CPEB3: variants seen among roughly 807,000 people sequenced by gnomAD.
CPEB3 encodes cytoplasmic polyadenylation element-binding protein 3.
A neutral mutation model predicts 67.2 loss-of-function variants in CPEB3; 20 were observed. The observed-to-expected ratio is 0.30, with a 90% confidence interval of 0.21 to 0.43. CPEB3 has a LOEUF of 0.43. Among genes scored for constraint, CPEB3 ranks in the 20% least tolerant of loss-of-function variants. The probability of loss-of-function intolerance (pLI) is 1.00; values close to 1 mark genes in which losing one functional copy is unlikely to be tolerated. For missense variants in CPEB3, 746 were observed against 968.6 expected, an observed-to-expected ratio of 0.77 and a Z score of 3.05; for synonymous variants, 376 against 393.1, an observed-to-expected ratio of 0.96 and a Z score of 0.51.
intron 4 of CPEB3, among the ~76,000 whole-genome samples, chr10:92,175,847 T>G (rs1339643267): frequency 6.6e-6 from 1 of 151,814 alleles, no homozygotes; most frequent in African/African-American, 2.4e-5. Context: ...CCTAGCACTT[T>G]GAGAGGCCAT....
chr10:92,211,515 C>T (rs1850081564), intron 2 of CPEB3, among the ~76,000 whole-genome samples: 1 of 151,940 alleles, frequency 6.6e-6, no homozygotes, highest in Admixed American at 6.6e-5. Context: ...TAAACAACAG[C>T]TCATTCAAAC....
rs1845865713 is a variant in CPEB3, at chr10:92,132,002, T to C, written c.1453+11027A>G. On this transcript the variant is annotated intron_variant, in intron 6 of 9. Transcript: ENST00000265997. ...ACAAGTGAAGTTAATTTTAATATCT[T>C]ATTTAATCCAATATCTCCATAAAGT... is the stretch of plus-strand genomic sequence containing the variant. 2.6e-5 allele frequency among the ~76,000 whole-genome samples: 4 copies of C among 152,246 alleles called. No homozygotes were observed. In the South Asian group the frequency reaches 8.3e-4, roughly 31 times the overall value.
intron 4 of CPEB3, among the ~76,000 whole-genome samples, chr10:92,168,812 T>G (rs916695601): frequency 2.7e-5 from 4 of 148,616 alleles, no homozygotes; most frequent in African/African-American, 1.0e-4. Flanking sequence ...TTTTTTTTTT[T>G]GAGATGGAGT....
chr10:92,121,392 TATATA>T (rs1845376061), intron 6 of CPEB3, among the ~76,000 whole-genome samples: 2 of 135,224 alleles, frequency 1.5e-5, no homozygotes, highest in East Asian at 4.1e-4. Context: ...ATATTATATA[TATATA>T]ATAGAGAGAC....
At chr10:92,278,240 AT>A (rs994876952) in intron 1 of CPEB3, among the ~76,000 whole-genome samples, 3 of 152,100 alleles carry the variant, frequency 2.0e-5, no homozygotes, top group African/African-American at 7.2e-5. Flanking sequence ...TTCCATACAA[AT>A]TTTAGGATTA....
intron 2 of CPEB3, among the ~76,000 whole-genome samples, chr10:92,204,943 C>A (rs774304638): frequency 6.7e-6 from 1 of 149,130 alleles, no homozygotes; most frequent in Non-Finnish European, 1.5e-5. Flanking sequence ...CAGGTTCAAG[C>A]AATTCTTTGC....
chr10:92,085,280 C>T (rs1843324351), intron 8 of CPEB3, among the ~76,000 whole-genome samples: 1 of 152,208 alleles, frequency 6.6e-6, no homozygotes, highest in African/African-American at 2.4e-5. Flanking sequence ...GCTCATTGGT[C>T]TGTCTGGTCA....
chr10:92,245,811 T>G (rs1173661386), intron 1 of CPEB3, among the ~76,000 whole-genome samples: 1 of 147,430 alleles, frequency 6.8e-6, no homozygotes. Context: ...CCGAGGCGGC[T>G]GGATCACCTG....
intron 2 of CPEB3, among the ~76,000 whole-genome samples, chr10:92,203,358 A>G (rs1249519930): frequency 6.8e-6 from 1 of 147,014 alleles, no homozygotes; most frequent in East Asian, 2.0e-4. Context: ...ATATATATGT[A>G]TATATATGTA....
intron 2 of CPEB3, among the ~76,000 whole-genome samples, chr10:92,202,814 C>A (rs1365138053): frequency 6.6e-6 from 1 of 151,732 alleles, no homozygotes; most frequent in Non-Finnish European, 1.5e-5. Context: ...ATGACTGACA[C>A]ACAATTTAGT....
At chr10:92,094,605 A>C (rs1224624617) in intron 7 of CPEB3, among the ~76,000 whole-genome samples, 1 of 152,032 alleles carries the variant, frequency 6.6e-6, no homozygotes, top group African/African-American at 2.4e-5. Context: ...CCCTTTCAAA[A>C]AAAAAAAAAA....
intron 1 of CPEB3, among the ~76,000 whole-genome samples, chr10:92,265,784 A>C (rs1853027486): frequency 6.6e-6 from 1 of 151,182 alleles, no homozygotes. Context: ...AGATGAAAAA[A>C]GTTTTCTTTT....
intron 2 of CPEB3, among the ~76,000 whole-genome samples, chr10:92,208,197 T>C (rs1343233673): frequency 6.6e-6 from 1 of 152,176 alleles, no homozygotes; most frequent in Non-Finnish European, 1.5e-5. Flanking sequence ...AAAGTGAATA[T>C]TTGCTTGTCT....
intron 2 of CPEB3, among the ~76,000 whole-genome samples, chr10:92,203,478 A>G (rs1214465914): frequency 4.8e-5 from 7 of 146,434 alleles, no homozygotes; most frequent in Admixed American, 1.4e-4. Flanking sequence ...GTGTATATAT[A>G]TGTGTGTATA....
rs1851728786 is a variant in CPEB3 at position 92,239,709 on chromosome 10, G to A, written c.642C>T (p.Pro214=). 1.3e-6 allele frequency: 2 copies of A among 1,564,782 alleles called. No individual in the cohort carries two copies. Among genetic ancestry groups the A allele is most frequent in the African/African-American group, 1.4e-5 (1 of 73,474 alleles). Residue 214 remains proline, a synonymous_variant, in exon 2 of 10, where the codon CCC becomes CCT. Transcript: ENST00000265997. This position sits in a 1 kb window ranked among gnomAD's most constrained non-coding sequence, Gnocchi z 6.0. ...RSAAAAYGHQ[P]IMTSKPSSSS... is the part of the protein sequence containing the mutation. ...ACGAGGACGGCTTGCTGGTCATGAT[G>A]GGCTGGTGGCCGTACGCCGCGGCGG...
At chr10:92,059,330 A>AAAAAAAAAAAC (rs1339581891) in intron 9 of CPEB3, among the ~76,000 whole-genome samples, 4 of 150,878 alleles carry the variant, frequency 2.7e-5, no homozygotes, top group Non-Finnish European at 5.9e-5. Context: ...TCTGTCAAAA[A>AAAAAAAAAAAC]AAAAACAAAG....
In CPEB3 at chr10:92,273,248, TGAC is replaced by T. The variant is rs376162550; in HGVS notation, c.-12+17675_-12+17677del. Among the ~76,000 whole-genome samples, 38 of 152,308 alleles carry T rather than the reference TGAC, an allele frequency of 2.5e-4. No homozygotes were observed. The East Asian group carries it at 6.4e-3, about 26-fold the overall frequency. ...TCTAGATCCATATATTGTAAATATG[TGAC>T]TACTACATACTTGTCTCTTCTGTTA... On this transcript the variant is annotated intron_variant, in intron 1 of 9. Coordinates refer to ENST00000265997, the MANE Select transcript of CPEB3 (RefSeq NM_014912.5).
chr10:92,183,029 G>C (rs763386145), intron 3 of CPEB3, among the ~76,000 whole-genome samples: 12 of 151,804 alleles, frequency 7.9e-5, no homozygotes, highest in Admixed American at 3.9e-4. Flanking sequence ...AAAATTTTTA[G>C]TTTTTATCGT....
rs763987397 is a variant in CPEB3 at position 92,145,025 on chromosome 10, G to C, written c.1283C>G (p.Thr428Ser). ...QALSSGLSSP[T>S]RCQNGERVER... Reference sequence around the variant, plus strand: ...TACTCGTTCCCCATTTTGACAGCGAGTGGGAGAACTTAAGCCAGATGACAA... The same window carrying C: ...TACTCGTTCCCCATTTTGACAGCGACTGGGAGAACTTAAGCCAGATGACAA... Residue 428 changes from threonine (T) to serine (S), a missense_variant, in exon 5 of 10, where the codon ACT (threonine) becomes AGT (serine). Physicochemically the swap from Thr to Ser is moderately conservative, Grantham distance 58. Around this residue, in one of 2 missense-constraint regions of CPEB3, gnomAD observed 643 missense variants for 717.5 expected, o/e 0.90. Transcript: ENST00000265997. 1 of 1,614,048 alleles carries C rather than the reference G, an allele frequency of 6.2e-7. No individual in the cohort carries two copies. The highest frequency in any genetic ancestry group is 2.2e-5 in the East Asian group (1 of 44,862).
Sources: gnomAD v4.1 joint callset for allele counts (sites outside exome capture counted in the v4.1 genomes callset) on GRCh38, gnomAD v4.1.1 for gene constraint, gnomAD v4.1.1 regional missense constraint, Gnocchi (gnomAD v3.1) non-coding constraint, MANE v1.5 for transcripts, NCBI Gene and HGNC (gene_info 2026-07-23, HGNC 2026-07-21) for gene names.